AMMECR1: variants seen among roughly 807,000 people sequenced by gnomAD.
AMMECR1 encodes AMMECR nuclear protein 1.
AMMECR1 carries 3 observed loss-of-function variants against 22.5 expected under a neutral mutation model. The ratio of observed to expected loss-of-function variants is 0.13; its 90% CI spans 0.06 to 0.35. The LOEUF is 0.35. Among genes scored for constraint, AMMECR1 ranks in the 10% least tolerant of loss-of-function variants. The pLI, the probability that AMMECR1 is intolerant of heterozygous loss-of-function variation, is 1.00. For synonymous variants in AMMECR1, 130 were observed against 116.7 expected (o/e 1.11, Z -0.74); for missense variants, 235 against 278.7 (o/e 0.84, Z 1.12).
intron 2 of AMMECR1, among the ~76,000 whole-genome samples, chrX:110,410,240 G>C (rs2068632763): frequency 9.0e-6 from 1 of 111,570 alleles, no homozygotes; most frequent in South Asian, 3.8e-4. Flanking sequence ...GACATTATTA[G>C]TGTGGGAAGA....
intron 1 of AMMECR1, among the ~76,000 whole-genome samples, chrX:110,438,696 A>G (rs752423517): frequency 3.6e-5 from 4 of 110,524 alleles, no homozygotes; most frequent in Admixed American, 9.6e-5. Context: ...TTTTTTTAGC[A>G]CTGATATTAA....
At chrX:110,435,505 C>A (rs1603009529) in intron 1 of AMMECR1, among the ~76,000 whole-genome samples, 1 of 111,928 alleles carries the variant, frequency 8.9e-6, no homozygotes, top group African/African-American at 3.3e-5. Flanking sequence ...CTAGCAGGTC[C>A]CAGAACAAAA....
At chrX:110,269,159 T>A (rs969450746) in intron 1 of AMMECR1, among the ~76,000 whole-genome samples, 30 of 111,853 alleles carry the variant, frequency 2.7e-4, no homozygotes, top group Admixed American at 1.3e-3. Context: ...TAGGGAAATG[T>A]AGTTGCATAC....
At chrX:110,285,075 C>G (rs2067872175) in intron 1 of AMMECR1, among the ~76,000 whole-genome samples, 2 of 112,111 alleles carry the variant, frequency 1.8e-5, no homozygotes, top group Middle Eastern at 4.6e-3. Flanking sequence ...AATTAGTCAT[C>G]TGTCCCACTA....
At chrX:110,352,697 A>C (rs1482817453) in intron 2 of AMMECR1, among the ~76,000 whole-genome samples, 2 of 111,984 alleles carry the variant, frequency 1.8e-5, no homozygotes, top group Non-Finnish European at 3.8e-5. Flanking sequence ...GAATGGAGAG[A>C]GTATATGGTA....
intron 2 of AMMECR1, among the ~76,000 whole-genome samples, chrX:110,346,094 C>T (rs1178517951): frequency 1.8e-5 from 2 of 112,141 alleles, no homozygotes; most frequent in African/African-American, 6.5e-5. Flanking sequence ...TTTACAGTAA[C>T]ACAATTATTT....
At chrX:110,265,581 G>C (rs970135909) in intron 1 of AMMECR1, among the ~76,000 whole-genome samples, 2 of 111,616 alleles carry the variant, frequency 1.8e-5, no homozygotes, top group African/African-American at 6.5e-5. Flanking sequence ...GTTCTAATTA[G>C]AGCAACTTTG....
intron 2 of AMMECR1, among the ~76,000 whole-genome samples, chrX:110,421,011 G>C (rs1001573800): frequency 8.9e-6 from 1 of 111,774 alleles, no homozygotes; most frequent in Non-Finnish European, 1.9e-5. Flanking sequence ...CTGCAAGCCT[G>C]TTAGGATTAT....
intron 2 of AMMECR1, among the ~76,000 whole-genome samples, chrX:110,231,636 T>A (rs2067566983): frequency 9.0e-6 from 1 of 111,628 alleles, no homozygotes; most frequent in Non-Finnish European, 1.9e-5. Context: ...GCAAACATCA[T>A]AATGACAGGG....
intron 2 of AMMECR1, among the ~76,000 whole-genome samples, chrX:110,387,113 T>C (rs2068461155): frequency 1.8e-5 from 2 of 112,037 alleles, no homozygotes; most frequent in East Asian, 2.8e-4. Context: ...CATGCCTGTG[T>C]AATACTAAAC....
upstream of AMMECR1, among the ~76,000 whole-genome samples, chrX:110,323,053 A>G (rs1321489042): frequency 9.0e-6 from 1 of 111,676 alleles, no homozygotes; most frequent in African/African-American, 3.3e-5. Context: ...ATCTTCCACA[A>G]GATTCCACAA....
At chrX:110,227,774 T>C (rs1049390067) in intron 2 of AMMECR1, among the ~76,000 whole-genome samples, 1 of 112,071 alleles carries the variant, frequency 8.9e-6, no homozygotes, top group Middle Eastern at 4.6e-3. Flanking sequence ...GGCGGCCTCA[T>C]GTTCTCATAC....
intron 2 of AMMECR1, among the ~76,000 whole-genome samples, chrX:110,397,724 G>T (rs193011504): frequency 9.0e-6 from 1 of 111,521 alleles, no homozygotes. Flanking sequence ...TCAGAGCCTG[G>T]GGAACAGCCT....
chrX:110,394,617 T>C (rs1361402714), intron 2 of AMMECR1, among the ~76,000 whole-genome samples: 2 of 112,754 alleles, frequency 1.8e-5, no homozygotes, highest in African/African-American at 6.5e-5. Flanking sequence ...CAAGAACCTG[T>C]CAAGGACGTT....
At chrX:110,209,135 C>CATGCCTAATATGAAATAATGCTGT (rs1293298929) in intron 3 of AMMECR1, among the ~76,000 whole-genome samples, 10 of 111,441 alleles carry the variant, frequency 9.0e-5, no homozygotes, top group Non-Finnish European at 1.3e-4. Flanking sequence ...TCCTAGCAAA[C>CATGCCTAATATGAAATAATGCTGT]ATGCCTAATA....
At chrX:110,397,806 G>T (rs2068538324) in intron 2 of AMMECR1, among the ~76,000 whole-genome samples, 2 of 111,820 alleles carry the variant, frequency 1.8e-5, no homozygotes, top group African/African-American at 3.3e-5. Context: ...AATGGACTTG[G>T]GGGGGCAAAC....
intron 2 of AMMECR1, among the ~76,000 whole-genome samples, chrX:110,354,190 C>G (rs1240622800): frequency 1.8e-5 from 2 of 111,305 alleles, no homozygotes; most frequent in Non-Finnish European, 3.8e-5. Context: ...CCAGAAAAAA[C>G]TCTTAATGGC....
chrX:110,325,761 T>C (rs2068095312), intron 2 of AMMECR1, among the ~76,000 whole-genome samples: 1 of 112,069 alleles, frequency 8.9e-6, no homozygotes, highest in Non-Finnish European at 1.9e-5. Flanking sequence ...TCTCTATTGT[T>C]TTTCTATTCT....
At chrX:110,394,765 G>A (rs923468874) in intron 2 of AMMECR1, among the ~76,000 whole-genome samples, 11 of 112,515 alleles carry the variant, frequency 9.8e-5, no homozygotes, top group Non-Finnish European at 1.9e-4. Flanking sequence ...TAACCTCTCC[G>A]TGCTTCTGCC....
Sources: allele counts gnomAD v4.1 joint callset (sites outside exome capture counted in the v4.1 genomes callset), GRCh38; gene constraint gnomAD v4.1.1; transcripts MANE v1.5; gene names NCBI Gene and HGNC (gene_info 2026-07-23, HGNC 2026-07-21).